The following CEP128 variants were observed in gnomAD, a reference collection of about 807,000 sequenced individuals.
CEP128 encodes centrosomal protein 128.
In CEP128, 132 loss-of-function variants were observed where a neutral mutation model predicts 156.7. That is an observed-to-expected ratio of 0.84 (90% CI 0.73 to 0.97). The LOEUF is 0.97. Ranked by LOEUF, CEP128 falls within the 50% of genes least tolerant of loss-of-function variation. The probability of loss-of-function intolerance (pLI) is 0.00; values close to 1 mark genes in which losing one functional copy is unlikely to be tolerated. For synonymous variants in CEP128, 469 were observed against 448.9 expected (o/e 1.04, Z -0.57); for missense variants, 1,252 against 1,281.9 (o/e 0.98, Z 0.36).
At chr14:80,934,971 C>T (rs1322805775) in intron 2 of CEP128, among the ~76,000 whole-genome samples, 1 of 152,130 alleles carries the variant, frequency 6.6e-6, no homozygotes, top group Non-Finnish European at 1.5e-5. Flanking sequence ...GTACTAAGTG[C>T]TTTATGTATG....
intron 20 of CEP128, among the ~76,000 whole-genome samples, chr14:80,571,201 C>T (rs961767548): frequency 6.6e-6 from 1 of 152,052 alleles, no homozygotes. Flanking sequence ...GGATCTGGAC[C>T]GCAGGGGTTA....
chr14:80,601,796 T>G (rs1411640731), intron 19 of CEP128, among the ~76,000 whole-genome samples: 2 of 152,204 alleles, frequency 1.3e-5, no homozygotes, highest in African/African-American at 4.8e-5. Flanking sequence ...GCAATAGAAA[T>G]TTTTCAACTC....
chr14:80,667,617 G>C (rs547580203), intron 19 of CEP128, among the ~76,000 whole-genome samples: 5 of 152,264 alleles, frequency 3.3e-5, no homozygotes, highest in Admixed American at 3.3e-4. Flanking sequence ...CCAGCACTTT[G>C]GGAGGCCAAG....
At chr14:80,800,692 C>G (rs1883790722) in intron 13 of CEP128, among the ~76,000 whole-genome samples, 1 of 152,030 alleles carries the variant, frequency 6.6e-6, no homozygotes, top group Non-Finnish European at 1.5e-5. Context: ...AAAAAAATCA[C>G]AGGATAAGGT....
At chr14:80,573,988 G>A (rs1891253349) in intron 20 of CEP128, among the ~76,000 whole-genome samples, 1 of 152,126 alleles carries the variant, frequency 6.6e-6, no homozygotes, top group South Asian at 2.1e-4. Flanking sequence ...CCTAAGCTTT[G>A]AGGAATGCAC....
chr14:80,609,150 C>T (rs189823058), intron 19 of CEP128, among the ~76,000 whole-genome samples: 206 of 152,126 alleles, frequency 1.4e-3, no homozygotes, highest in Admixed American at 3.2e-3. Flanking sequence ...TTTCAATAAA[C>T]CACATAATCA....
At chr14:80,494,747 A>C (rs958419959), downstream of CEP128, among the ~76,000 whole-genome samples, 4 of 152,198 alleles carry the variant, frequency 2.6e-5, no homozygotes, top group African/African-American at 9.6e-5. Context: ...TTTTTTATAC[A>C]TGTAAACTTT....
intron 21 of CEP128, among the ~76,000 whole-genome samples, chr14:80,558,077 C>A (rs1389905722): frequency 1.3e-5 from 2 of 152,088 alleles, no homozygotes; most frequent in East Asian, 3.9e-4. Context: ...AAATTAAAAT[C>A]TATAATTCTT....
chr14:80,500,282 G>A (rs1887675505), intron 24 of CEP128, among the ~76,000 whole-genome samples: 1 of 152,196 alleles, frequency 6.6e-6, no homozygotes, highest in African/African-American at 2.4e-5. Context: ...CAGAATGAAT[G>A]CCTTAGCATC....
At chr14:80,778,194 G>A (rs1188067134) in intron 15 of CEP128, 148 bp from the exon 16 acceptor site, 3 of 682,478 alleles carry the variant, frequency 4.4e-6, no homozygotes, top group Middle Eastern at 4.0e-4. Context: ...AAACACAAAG[G>A]AAATGTTCTT....
Position 80,613,066 on chromosome 14 carries a change from G to A in CEP128, c.2807-32643C>T, listed in dbSNP as rs1480594420. Among the ~76,000 whole-genome samples the A allele has an allele frequency of 2.0e-5, 3 of 146,628 alleles. No homozygotes were observed. The East Asian group carries it at 6.1e-4, about 30-fold the overall frequency. ...AGACGGGGTTTCACCATGTTCTCCA[G>A]GCTGCTCTCGAACTCCTGAGCTCAG... On this transcript the variant is annotated intron_variant, in intron 19 of 24. Coordinates refer to ENST00000555265, the MANE Select transcript of CEP128 (RefSeq NM_152446.5).
intron 22 of CEP128, 85 bp downstream of exon 22, chr14:80,530,724 C>CTA (rs1212041534): frequency 2.1e-6 from 2 of 930,490 alleles, no homozygotes; most frequent in East Asian, 5.3e-5. Flanking sequence ...TCTTCCTTTT[C>CTA]TATACTTTTC....
At chr14:80,479,890 C>A (rs1172215223) in intron 14 of CEP128, among the ~76,000 whole-genome samples, 1 of 152,154 alleles carries the variant, frequency 6.6e-6, no homozygotes, top group African/African-American at 2.4e-5. Flanking sequence ...TAAATACAGC[C>A]ATTGCAAGTC....
intron 6 of CEP128, among the ~76,000 whole-genome samples, chr14:80,904,120 A>G (rs1202605196): frequency 1.3e-5 from 2 of 152,160 alleles, no homozygotes; most frequent in Non-Finnish European, 2.9e-5. Flanking sequence ...TGGATACAGA[A>G]AATGTAGTAT....
rs1284484297 is a variant in CEP128, at chr14:80,732,590, C to T, written c.2806+10485G>A. On this transcript the variant is annotated intron_variant, in intron 19 of 24. Transcript: ENST00000555265. ...GTTGTAAGTAATTTATCACAAAAAA[C>T]ACAAAACCGAAATCGGTGATTTACT... Among the ~76,000 whole-genome samples, 18 of 151,016 alleles carry T rather than the reference C, an allele frequency of 1.2e-4. No individual in the cohort carries two copies. The Admixed American group carries it at 1.2e-3, about 10-fold the overall frequency.
intron 2 of CEP128, among the ~76,000 whole-genome samples, chr14:80,919,457 T>C (rs1884733556): frequency 6.6e-6 from 1 of 152,110 alleles, no homozygotes; most frequent in Non-Finnish European, 1.5e-5. Context: ...AAATAAAGTC[T>C]TAGTACCTTC....
intron 19 of CEP128, among the ~76,000 whole-genome samples, chr14:80,587,029 T>C (rs2140469453): frequency 6.6e-6 from 1 of 151,142 alleles, no homozygotes; most frequent in South Asian, 2.1e-4. Context: ...AAGCATTATA[T>C]ACGTATTAGC....
chr14:80,497,670 A>G (rs553496420), intron 24 of CEP128, 88 bp from the exon 25 acceptor site: 2 of 794,314 alleles, frequency 2.5e-6, no homozygotes, highest in Non-Finnish European at 4.2e-6. Context: ...TAGTTAATGT[A>G]TCATGGTATT....
At chr14:80,873,963 G>C (rs12100625) in intron 8 of CEP128, among the ~76,000 whole-genome samples, 14 of 151,988 alleles carry the variant, frequency 9.2e-5, no homozygotes, top group African/African-American at 2.7e-4. Flanking sequence ...CTTGCCTTTC[G>C]TCATGATTGT....
Sources: allele counts gnomAD v4.1 joint callset (sites outside exome capture counted in the v4.1 genomes callset), GRCh38; gene constraint gnomAD v4.1.1; transcripts MANE v1.5; gene names NCBI Gene and HGNC (gene_info 2026-07-23, HGNC 2026-07-21).